Variants in SLC4A5 observed in about 807,000 individuals in gnomAD.
SLC4A5 encodes electrogenic sodium bicarbonate cotransporter 4.
In SLC4A5, 96 loss-of-function variants were observed where a neutral mutation model predicts 120.4. The ratio of observed to expected loss-of-function variants is 0.80; its 90% CI spans 0.68 to 0.94. The LOEUF (loss-of-function observed/expected upper bound fraction) is 0.94, where lower values mean the gene tolerates loss of function less well. Ranked by LOEUF, SLC4A5 falls within the 40% of genes least tolerant of loss-of-function variation. The probability of loss-of-function intolerance (pLI) is 0.00; values close to 1 mark genes in which losing one functional copy is unlikely to be tolerated. For synonymous variants in SLC4A5, 550 were observed against 571.1 expected (o/e 0.96, Z 0.53); for missense variants, 1,259 against 1,459.5 (o/e 0.86, Z 2.24).
intron 23 of SLC4A5, 144 bp downstream of exon 23, chr2:74,233,258 T>C: frequency 1.0e-6 from 1 of 993,610 alleles, no homozygotes; most frequent in Non-Finnish European, 1.5e-6. Flanking sequence ...CATTTCCCCC[T>C]CAACACACCA....
chr2:74,286,765 C>T (rs1359665709), intron 7 of SLC4A5, among the ~76,000 whole-genome samples: 1 of 152,194 alleles, frequency 6.6e-6, no homozygotes, highest in Non-Finnish European at 1.5e-5. Flanking sequence ...AAAGGACTCT[C>T]TGAGGAGGGG....
intron 4 of SLC4A5, among the ~76,000 whole-genome samples, chr2:74,330,081 T>C (rs755424915): frequency 1.4e-5 from 2 of 147,180 alleles, no homozygotes; most frequent in African/African-American, 5.1e-5. Context: ...GGCGTAGGTA[T>C]AGGTGGTGAG....
At chr2:74,328,972 A>AT (rs112859448) in intron 4 of SLC4A5, among the ~76,000 whole-genome samples, 5,050 of 150,004 alleles carry the variant, frequency 0.034, 283 homozygotes, top group African/African-American at 0.12. Context: ...AGCTAGAGAC[A>AT]TTTTTTTTTT....
intron 5 of SLC4A5, among the ~76,000 whole-genome samples, chr2:74,317,348 G>GA (rs1293170170): frequency 1.4e-5 from 2 of 141,948 alleles, no homozygotes; most frequent in Non-Finnish European, 3.0e-5. Context: ...ACCAGGAACA[G>GA]ATAGTTTTTT....
At chr2:74,300,029 T>A (rs1489009527) in intron 7 of SLC4A5, among the ~76,000 whole-genome samples, 1 of 152,212 alleles carries the variant, frequency 6.6e-6, no homozygotes, top group African/African-American at 2.4e-5. Context: ...TACAATGGAA[T>A]ATTATTCAGC....
intron 3 of SLC4A5, among the ~76,000 whole-genome samples, chr2:74,336,592 T>C (rs990367924): frequency 6.6e-6 from 1 of 152,178 alleles, no homozygotes; most frequent in African/African-American, 2.4e-5. Context: ...TGAACTACTA[T>C]TATCCTCATT....
chr2:74,228,759 T>C (rs1694945976), intron 25 of SLC4A5, among the ~76,000 whole-genome samples: 1 of 149,720 alleles, frequency 6.7e-6, no homozygotes, highest in Non-Finnish European at 1.5e-5. Flanking sequence ...TCAGCACTCA[T>C]CACCAACTAA....
chr2:74,320,414 G>A (rs1320085829), intron 5 of SLC4A5, among the ~76,000 whole-genome samples: 1 of 152,078 alleles, frequency 6.6e-6, no homozygotes, highest in African/African-American at 2.4e-5. Context: ...AAAAAAATAA[G>A]TCATCTACCA....
chr2:74,258,725 C>T (rs1454276367), intron 12 of SLC4A5, among the ~76,000 whole-genome samples: 1 of 152,172 alleles, frequency 6.6e-6, no homozygotes, highest in Non-Finnish European at 1.5e-5. Context: ...ACAGAAAATG[C>T]CTGGCACAGT....
At chr2:74,290,643 G>C in intron 7 of SLC4A5, 1 of 981,276 alleles carries the variant, frequency 1.0e-6, no homozygotes, top group Non-Finnish European at 1.2e-6. Flanking sequence ...GAGAGAGAGA[G>C]AGAGAGAAGT....
intron 8 of SLC4A5, among the ~76,000 whole-genome samples, chr2:74,273,594 C>T (rs1671542863): frequency 6.6e-6 from 1 of 152,174 alleles, no homozygotes; most frequent in African/African-American, 2.4e-5. Context: ...TGCTTTCTGC[C>T]TAAGGCCTGT....
exon 18 of SLC4A5, chr2:74,248,463 G>A (rs777125943): frequency 5.6e-6 from 9 of 1,614,124 alleles, no homozygotes; most frequent in Middle Eastern, 1.7e-4. Context: ...CCATGGCAGT[G>A]CCCAGGAAGC....
intron 5 of SLC4A5, among the ~76,000 whole-genome samples, chr2:74,319,089 C>T (rs936093903): frequency 1.3e-5 from 2 of 152,076 alleles, no homozygotes; most frequent in South Asian, 2.1e-4. Flanking sequence ...GAGGCCATTA[C>T]CCTCAGTGAA....
intron 8 of SLC4A5, among the ~76,000 whole-genome samples, chr2:74,266,687 G>A (rs1398832654): frequency 2.6e-5 from 4 of 152,100 alleles, no homozygotes; most frequent in African/African-American, 7.2e-5. Flanking sequence ...AAAGTCTAAA[G>A]ATAAAAATAA....
chr2:74,262,655 C>T (rs746707200), intron 10 of SLC4A5, among the ~76,000 whole-genome samples: 27 of 150,810 alleles, frequency 1.8e-4, no homozygotes, highest in Non-Finnish European at 3.5e-4. Context: ...GCTGAGATCG[C>T]GCCATTGCAC....
At chr2:74,248,421 C>T in exon 18 of SLC4A5, 5 of 1,614,176 alleles carry the variant, frequency 3.1e-6, no homozygotes, top group African/African-American at 1.3e-5. Context: ...TGATGAGAGG[C>T]TGTCCCGAGA....
chr2:74,237,122 G>A (rs190948449), intron 21 of SLC4A5, among the ~76,000 whole-genome samples: 94 of 152,000 alleles, frequency 6.2e-4, no homozygotes, highest in South Asian at 1.5e-3. Context: ...GACTACAGGC[G>A]CCCACCACAA....
In SLC4A5 at chr2:74,250,223, A is replaced by G. The variant is rs537180008; in HGVS notation, c.1653+120T>C. The G allele has an allele frequency of 6.2e-4, 546 of 885,526 alleles. 5 individuals carry two copies. The South Asian group carries it at 8.9e-3, about 14-fold the overall frequency. 54.9% of individuals were successfully genotyped at this position (885,526 alleles called of 1,614,324 possible). A position where few individuals can be genotyped will look rare whatever the true frequency, so the allele number is the denominator to read the frequency against. ...GAAGCGTAAAGGATTACAAATAGTG[A>G]TGGCCTCAACCTGGATGGTAGATGA... On this transcript the variant is annotated intron_variant, in intron 17 of 30. Coordinates refer to ENST00000394019, the Ensembl canonical transcript of SLC4A5.
At chr2:74,228,029 G>A (rs1167492225) in intron 25 of SLC4A5, 151 bp from the exon 26 acceptor site, 1 of 603,942 alleles carries the variant, frequency 1.7e-6, no homozygotes, top group Non-Finnish European at 2.9e-6. Flanking sequence ...ATGTGGGCAG[G>A]GGTGAAGATG....
Sources: gnomAD v4.1 joint callset for allele counts (sites outside exome capture counted in the v4.1 genomes callset) on GRCh38, gnomAD v4.1.1 for gene constraint, MANE v1.5 for transcripts, NCBI Gene and HGNC (gene_info 2026-07-23, HGNC 2026-07-21) for gene names.